The following ACOT7 variants were observed in gnomAD, a reference collection of about 807,000 sequenced individuals.
ACOT7 encodes the protein acyl-CoA thioesterase 7.
In ACOT7, 12 loss-of-function variants were observed where a neutral mutation model predicts 40.2. That is an observed-to-expected ratio of 0.30 (90% CI 0.19 to 0.48). The LOEUF is 0.48. ACOT7 is among the 20% of genes least tolerant of loss of function. The pLI is 0.99. For synonymous variants in ACOT7, 228 were observed against 219.5 expected (o/e 1.04, Z -0.34); for missense variants, 395 against 530.8 (o/e 0.74, Z 2.51).
intron 8 of ACOT7, among the ~76,000 whole-genome samples, chr1:6,270,450 G>A (rs1032062018): frequency 3.9e-5 from 6 of 152,202 alleles, no homozygotes; most frequent in African/African-American, 1.4e-4. Flanking sequence ...GTGGCCTCAG[G>A]CAGGCTCCTC....
intron 5 of ACOT7, among the ~76,000 whole-genome samples, chr1:6,326,418 T>A (rs774404645): frequency 6.6e-6 from 1 of 152,138 alleles, no homozygotes; most frequent in African/African-American, 2.4e-5. Flanking sequence ...GAGTGAACAT[T>A]TTGTTAAAGC....
intron 7 of ACOT7, among the ~76,000 whole-genome samples, chr1:6,287,357 G>A (rs1337130189): frequency 1.3e-5 from 2 of 152,248 alleles, no homozygotes; most frequent in Non-Finnish European, 2.9e-5. Flanking sequence ...AGTCCCACCT[G>A]GAACCAGCTC....
At chr1:6,342,037 T>C (rs1045097345) in intron 2 of ACOT7, among the ~76,000 whole-genome samples, 2 of 152,214 alleles carry the variant, frequency 1.3e-5, no homozygotes, top group Non-Finnish European at 2.9e-5. Flanking sequence ...CTTAGTTCGT[T>C]GGGCTGCCAG....
Position 6,309,452 on chromosome 1 carries a change from GATTTTGTT to G in ACOT7, c.712+9032_712+9039del, listed in dbSNP as rs1173966576. Among the ~76,000 whole-genome samples the G allele has an allele frequency of 7.2e-5, 11 of 152,172 alleles. No homozygotes were observed. The East Asian group carries it at 1.9e-3, about 27-fold the overall frequency. ...TCTTTCCGCCTCCTTCCTGTGGGTG[GATTTTGTT>G]ATTTTTTTTTTCCAGTTCCAACACT... On this transcript the variant is annotated intron_variant, in intron 6 of 8. Coordinates refer to ENST00000361521, the MANE Select transcript of ACOT7 (RefSeq NM_007274.4).
At position 6,264,450 on chromosome 1, in the gene ACOT7, A is replaced by G; in HGVS notation, c.*147T>C. 2 of 651,528 alleles carry G rather than the reference A, an allele frequency of 3.1e-6. No individual in the cohort carries two copies. The highest frequency in any genetic ancestry group is 5.3e-6 in the Non-Finnish European group (2 of 380,020). 40.4% of individuals were successfully genotyped at this position (651,528 alleles called of 1,614,324 possible). A position where few individuals can be genotyped will look rare whatever the true frequency, so the allele number is the denominator to read the frequency against. On this transcript the variant is annotated 3_prime_UTR_variant, in exon 9 of 9. Transcript: ENST00000361521. ...GGTGTGTAGGTTTGCAGGAGAGAGT[A>G]CAGGTTAACACTGTGATACGAAAAC...
chr1:6,390,261 GGCAGC>G (rs1248002137), intron 1 of ACOT7, among the ~76,000 whole-genome samples: 1 of 152,224 alleles, frequency 6.6e-6, no homozygotes, highest in African/African-American at 2.4e-5. Flanking sequence ...GTCTGGCCAA[GGCAGC>G]CACTTAGAAA....
intron 1 of ACOT7, among the ~76,000 whole-genome samples, chr1:6,365,282 T>C (rs1641979474): frequency 6.6e-6 from 1 of 152,062 alleles, no homozygotes; most frequent in Non-Finnish European, 1.5e-5. Flanking sequence ...GGTGAAGGCT[T>C]CACAGGCTCA....
chr1:6,287,859 A>G (rs1175316135), intron 7 of ACOT7, among the ~76,000 whole-genome samples: 4 of 152,252 alleles, frequency 2.6e-5, no homozygotes, highest in African/African-American at 9.6e-5. Flanking sequence ...AAAAGCCTGG[A>G]AACAGTGAAC....
At chr1:6,337,193 G>A (rs555561197) in intron 3 of ACOT7, among the ~76,000 whole-genome samples, 7 of 152,314 alleles carry the variant, frequency 4.6e-5, no homozygotes, top group African/African-American at 1.7e-4. Flanking sequence ...CCCATCCTTC[G>A]GAGGAGGAGG....
In ACOT7 at chr1:6,339,297, C is replaced by A. The variant is rs1641195412; in HGVS notation, c.418+136G>T. The A allele has an allele frequency of 8.0e-6, 10 of 1,243,372 alleles. 1 individual carries two copies. In the South Asian group the frequency reaches 1.4e-4, roughly 17 times the overall value. The allele number at this position is 1,243,372 out of a possible 1,614,324, so 77.0% of individuals were successfully genotyped here. On this transcript the variant is annotated intron_variant, in intron 3 of 8. Coordinates refer to ENST00000361521, the MANE Select transcript of ACOT7 (RefSeq NM_007274.4). ...GCAATGGACATAGCTGCTCCCAGGGCCATGGTGGGAGGTGAGAGAGGTCTC... is the reference window on the plus strand; with the variant it reads ...GCAATGGACATAGCTGCTCCCAGGGACATGGTGGGAGGTGAGAGAGGTCTC...
chr1:6,349,503 G>A (rs1641527074), intron 2 of ACOT7, among the ~76,000 whole-genome samples: 1 of 152,230 alleles, frequency 6.6e-6, no homozygotes, highest in Non-Finnish European at 1.5e-5. Flanking sequence ...AGTGGTGGAG[G>A]GAGGGCCTGT....
At chr1:6,387,220 A>T (rs904885763) in intron 1 of ACOT7, among the ~76,000 whole-genome samples, 26 of 151,686 alleles carry the variant, frequency 1.7e-4, no homozygotes, top group Non-Finnish European at 3.4e-4. Flanking sequence ...CGACATCACA[A>T]CTGGGCCCGC....
intron 6 of ACOT7, among the ~76,000 whole-genome samples, chr1:6,307,631 A>G (rs1181728363): frequency 3.3e-5 from 5 of 152,256 alleles, no homozygotes; most frequent in African/African-American, 1.2e-4. Flanking sequence ...GGGAACAGCA[A>G]CAGGCGGAGG....
Position 6,338,353 on chromosome 1 carries a change from C to T in ACOT7, c.418+1080G>A, listed in dbSNP as rs539012699. ...AACCCACCCAGCCCTGAGCCTCTCC[C>T]GAGTCGTGGGCGCTGCTCCTGTTGT... is the stretch of plus-strand genomic sequence containing the variant. On this transcript the variant is annotated intron_variant, in intron 3 of 8. Transcript: ENST00000361521. This position sits in a 1 kb window ranked among gnomAD's most constrained non-coding sequence, Gnocchi z 4.4. Among the ~76,000 whole-genome samples, 11 of 152,316 alleles carry T rather than the reference C, an allele frequency of 7.2e-5. No homozygotes were observed. The East Asian group carries it at 1.5e-3, about 21-fold the overall frequency.
intron 8 of ACOT7, among the ~76,000 whole-genome samples, chr1:6,280,367 A>G: frequency 1.3e-5 from 2 of 152,214 alleles, no homozygotes; most frequent in East Asian, 3.9e-4. Context: ...GAGACAGGGA[A>G]GCTGCCTCTT....
At chr1:6,383,555 G>A (rs1396496075) in intron 1 of ACOT7, among the ~76,000 whole-genome samples, 3 of 122,690 alleles carry the variant, frequency 2.4e-5, no homozygotes, top group African/African-American at 7.5e-5. Flanking sequence ...TTTTTTTTGA[G>A]AGACAAGAGT....
intron 6 of ACOT7, among the ~76,000 whole-genome samples, chr1:6,302,291 T>G (rs535716515): frequency 2.2e-4 from 34 of 152,210 alleles, no homozygotes; most frequent in African/African-American, 7.9e-4. Flanking sequence ...TCAGGTCATC[T>G]GCACCTCCCA....
At chr1:6,346,738 G>A (rs750616036) in intron 2 of ACOT7, among the ~76,000 whole-genome samples, 1 of 152,234 alleles carries the variant, frequency 6.6e-6, no homozygotes, top group African/African-American at 2.4e-5. Context: ...CAGTGATCAG[G>A]TGATCGGGTG....
intron 1 of ACOT7, among the ~76,000 whole-genome samples, chr1:6,376,042 T>C (rs112695978): frequency 0.096 from 14,509 of 151,588 alleles, 1,054 homozygotes; most frequent in African/African-American, 0.2. Flanking sequence ...ATCACTTGAG[T>C]TCAGAAGTTC....
Sources: gnomAD v4.1 joint callset for allele counts (sites outside exome capture counted in the v4.1 genomes callset) on GRCh38, gnomAD v4.1.1 for gene constraint, Gnocchi (gnomAD v3.1) non-coding constraint, MANE v1.5 for transcripts, NCBI Gene and HGNC (gene_info 2026-07-23, HGNC 2026-07-21) for gene names.